Variants in TTC23 observed in about 807,000 individuals in gnomAD.
The protein encoded by TTC23 is tetratricopeptide repeat protein 23.
A neutral mutation model predicts 55.1 loss-of-function variants in TTC23; 58 were observed. The ratio of observed to expected loss-of-function variants is 1.05; its 90% CI spans 0.85 to 1.31. TTC23 has a LOEUF of 1.31. Among genes scored for constraint, TTC23 ranks in the 50% most tolerant of loss-of-function variants. The pLI, the probability that TTC23 is intolerant of heterozygous loss-of-function variation, is 0.00. For synonymous variants in TTC23, 203 were observed against 199.9 expected (o/e 1.02, Z -0.13); for missense variants, 516 against 534.4 (o/e 0.97, Z 0.34).
chr15:99,192,124 TG>T (rs1268263517), intron 9 of TTC23, among the ~76,000 whole-genome samples: 4 of 152,148 alleles, frequency 2.6e-5, no homozygotes, highest in Non-Finnish European at 5.9e-5. Context: ...AGATGTGACT[TG>T]GGTGCTATTA....
At chr15:99,239,646 T>C (rs2079606814) in intron 3 of TTC23, among the ~76,000 whole-genome samples, 1 of 152,214 alleles carries the variant, frequency 6.6e-6, no homozygotes, top group Non-Finnish European at 1.5e-5. Flanking sequence ...TTTTTTCTAA[T>C]AACTTCTTGC....
intron 5 of TTC23, among the ~76,000 whole-genome samples, chr15:99,223,359 A>G (rs1338837999): frequency 3.3e-5 from 5 of 152,170 alleles, no homozygotes; most frequent in Non-Finnish European, 1.5e-5. Context: ...GTTAGGGTGG[A>G]CCCTAGTCCA....
intron 10 of TTC23, among the ~76,000 whole-genome samples, chr15:99,162,077 T>G (rs767264678): frequency 1.6e-4 from 25 of 152,216 alleles, no homozygotes; most frequent in Non-Finnish European, 3.2e-4. Context: ...TTCTTTAATT[T>G]TCATACATCT....
rs2067687746 is a variant in TTC23 at position 99,137,527 on chromosome 15, C to G, written c.*483G>C. On this transcript the variant is annotated 3_prime_UTR_variant, in exon 14 of 14. Coordinates refer to ENST00000394132, the MANE Select transcript of TTC23 (RefSeq NM_001288615.3). ...GCAGGCTGCACTTTGAAAACACATG[C>G]TGACAGCAGCGTGTTCAGGTTTCCC... 6.5e-6 allele frequency: 1 copy of G among 152,722 alleles called. No individual in the cohort carries two copies. Among genetic ancestry groups the G allele is most frequent in the Non-Finnish European group, 1.5e-5 (1 of 68,374 alleles). The allele number at this position is 152,722 out of a possible 1,614,324, so 9.5% of individuals were successfully genotyped here.
chr15:99,200,113 A>T lies in TTC23; in HGVS notation c.582-17T>A. On this transcript the variant is annotated splice_polypyrimidine_tract_variant and intron_variant, in intron 8 of 13. Coordinates refer to ENST00000394132, the MANE Select transcript of TTC23 (RefSeq NM_001288615.3). The stretch of plus-strand genomic sequence containing the variant: ...TGATACACCCTAAAAAAATCAAAGG[A>T]ATTATTTTATTTAATAATTAAAATA... 6.4e-7 allele frequency: 1 copy of T among 1,552,300 alleles called. No homozygotes were observed. Among genetic ancestry groups the T allele is most frequent in the South Asian group, 1.3e-5 (1 of 78,556 alleles).
intron 8 of TTC23, among the ~76,000 whole-genome samples, chr15:99,200,463 G>A (rs182942010): frequency 2.0e-5 from 3 of 152,164 alleles, no homozygotes; most frequent in African/African-American, 7.2e-5. Context: ...AGTGCTATAT[G>A]GGTAGGTATT....
chr15:99,179,587 C>T (rs907085305), intron 9 of TTC23, among the ~76,000 whole-genome samples: 4 of 152,226 alleles, frequency 2.6e-5, no homozygotes, highest in African/African-American at 4.8e-5. Context: ...AAACATACCA[C>T]TGAGTGAACG....
At chr15:99,149,511 A>G (rs1300435426) in intron 12 of TTC23, among the ~76,000 whole-genome samples, 2 of 152,206 alleles carry the variant, frequency 1.3e-5, no homozygotes, top group African/African-American at 4.8e-5. Context: ...CAGAGCAGTG[A>G]TTCTCAGCCT....
chr15:99,156,668 A>C (rs1165530652), intron 11 of TTC23, among the ~76,000 whole-genome samples: 1 of 152,202 alleles, frequency 6.6e-6, no homozygotes. Context: ...CATGGGGGTA[A>C]CCGCACCCAT....
intron 10 of TTC23, among the ~76,000 whole-genome samples, chr15:99,169,120 C>G (rs1194731306): frequency 6.6e-6 from 1 of 152,222 alleles, no homozygotes; most frequent in Non-Finnish European, 1.5e-5. Context: ...CTCACTTCCC[C>G]TTTCTCCCTC....
chr15:99,223,069 T>C (rs2078086870), intron 5 of TTC23, among the ~76,000 whole-genome samples: 1 of 152,232 alleles, frequency 6.6e-6, no homozygotes, highest in African/African-American at 2.4e-5. Context: ...TGGGGGTCTA[T>C]GTCCCATTCC....
intron 6 of TTC23, 29 bp from the exon 7 acceptor site, chr15:99,219,077 T>G: frequency 6.2e-7 from 1 of 1,611,098 alleles, no homozygotes; most frequent in Non-Finnish European, 8.5e-7. Flanking sequence ...AGGTCTCAGT[T>G]TCTCTATCAT....
chr15:99,200,031 A>C lies in TTC23; in HGVS notation c.647T>G (p.Val216Gly). 6.2e-7 allele frequency: 1 copy of C among 1,614,052 alleles called. No homozygotes were observed. Among genetic ancestry groups the C allele is most frequent in the African/African-American group, 1.3e-5 (1 of 75,038 alleles). The change falls in exon 9 of 14, where the codon GTT (valine) becomes GGT (glycine). Residue 216 changes from valine to glycine, a missense_variant. Val to Gly is a moderately radical substitution (Grantham distance 109). Coordinates refer to ENST00000394132, the MANE Select transcript of TTC23 (RefSeq NM_001288615.3). ...ACTTGTTTCACCTTTACTGATCTCA[A>C]CATATTCCAAAGCTGCTTGATAGTG... ...LSHYQAALEYVEISKGETSRE... is the reference protein window; with the variant it reads ...LSHYQAALEYGEISKGETSRE...
intron 4 of TTC23, among the ~76,000 whole-genome samples, chr15:99,233,133 G>C (rs1391556371): frequency 6.6e-6 from 1 of 152,190 alleles, no homozygotes; most frequent in Non-Finnish European, 1.5e-5. Flanking sequence ...GAGGTTGTGG[G>C]AGGAGGAATA....
At chr15:99,188,912 G>C (rs899260014) in intron 9 of TTC23, among the ~76,000 whole-genome samples, 3 of 152,080 alleles carry the variant, frequency 2.0e-5, no homozygotes, top group Non-Finnish European at 4.4e-5. Flanking sequence ...CAACGTAGTA[G>C]TAGAATTCCA....
intron 9 of TTC23, among the ~76,000 whole-genome samples, chr15:99,196,747 C>T (rs1567453772): frequency 6.6e-6 from 1 of 152,212 alleles, no homozygotes; most frequent in East Asian, 1.9e-4. Context: ...CCATCCAGTC[C>T]ATTCTCCATA....
chr15:99,183,413 C>T (rs1305035878), intron 9 of TTC23, among the ~76,000 whole-genome samples: 2 of 151,516 alleles, frequency 1.3e-5, no homozygotes, highest in Non-Finnish European at 2.9e-5. Context: ...CCTCCGCCTC[C>T]TGGGTTCAAG....
At chr15:99,160,313 T>A (rs1315677890) in intron 11 of TTC23, 1 of 152,022 alleles carries the variant, frequency 6.6e-6, no homozygotes, top group African/African-American at 2.4e-5. Context: ...TTCCAAGATT[T>A]GCCATGATAG....
intron 9 of TTC23, among the ~76,000 whole-genome samples, chr15:99,183,497 ATTTTTTTT>A (rs56660145): frequency 9.9e-6 from 1 of 100,858 alleles, no homozygotes; most frequent in South Asian, 3.4e-4. Flanking sequence ...GATTTTTTGT[ATTTTTTTT>A]TTTTTTTTTT....
Sources: gnomAD v4.1 joint callset for allele counts (sites outside exome capture counted in the v4.1 genomes callset) on GRCh38, gnomAD v4.1.1 for gene constraint, MANE v1.5 for transcripts, NCBI Gene and HGNC (gene_info 2026-07-23, HGNC 2026-07-21) for gene names.